Variants in LDLRAD3 observed in about 807,000 individuals in gnomAD.
The protein encoded by LDLRAD3 is low density lipoprotein receptor class A domain containing 3, also known as low-density lipoprotein receptor class A domain-containing protein 3.
LDLRAD3 carries 20 observed loss-of-function variants against 29.4 expected under a neutral mutation model. The observed-to-expected ratio is 0.68, with a 90% confidence interval of 0.48 to 0.99. LDLRAD3 has a LOEUF of 0.99. Ranked by LOEUF, LDLRAD3 falls within the 50% of genes least tolerant of loss-of-function variation. The pLI is 0.00. For synonymous variants in LDLRAD3, 157 were observed against 192.7 expected (o/e 0.81, Z 1.53); for missense variants, 420 against 454.3 (o/e 0.92, Z 0.69).
chr11:36,196,909 C>T (rs948533552), intron 4 of LDLRAD3: 1 of 152,180 alleles, frequency 6.6e-6, no homozygotes, highest in African/African-American at 2.4e-5. Context: ...GGACCTGGCT[C>T]TCTTACTGTG....
rs77504876 is a variant in LDLRAD3 at position 36,073,453 on chromosome 11, G to A, written c.194-8200G>A. Among the ~76,000 whole-genome samples the A allele has an allele frequency of 4.5e-3, 684 of 152,348 alleles. 5 individuals carry two copies. Among genetic ancestry groups the A allele is most frequent in the African/African-American group, 0.016 (653 of 41,582 alleles). On this transcript the variant is annotated intron_variant, in intron 2 of 5. Transcript: ENST00000315571. ...TCTGTCGGGCGCTGCTGAGTTCTAC[G>A]AGGAAATCTCCCCTTTGTGGAAATA...
intron 2 of LDLRAD3, among the ~76,000 whole-genome samples, chr11:36,064,959 T>A (rs948643042): frequency 6.6e-6 from 1 of 152,212 alleles, no homozygotes; most frequent in African/African-American, 2.4e-5. Flanking sequence ...TCCTGGAGAA[T>A]GTTTCATGTA....
chr11:36,029,568 T>C (rs1243299768), intron 1 of LDLRAD3, among the ~76,000 whole-genome samples: 1 of 152,116 alleles, frequency 6.6e-6, no homozygotes, highest in Non-Finnish European at 1.5e-5. Context: ...ATTTTCCTCA[T>C]GAAATGCACT....
At chr11:36,100,809 G>C (rs533348961) in intron 4 of LDLRAD3, among the ~76,000 whole-genome samples, 1 of 152,290 alleles carries the variant, frequency 6.6e-6, no homozygotes, top group African/African-American at 2.4e-5. Flanking sequence ...TCAGTGAAAA[G>C]ACTCCCACGT....
At chr11:36,042,997 A>T (rs896498049) in intron 2 of LDLRAD3, among the ~76,000 whole-genome samples, 1 of 139,476 alleles carries the variant, frequency 7.2e-6, no homozygotes, top group African/African-American at 2.4e-5. Context: ...CCATCAAACT[A>T]TCTCCTTTGT....
chr11:36,130,653 G>C (rs1853912791), intron 4 of LDLRAD3, among the ~76,000 whole-genome samples: 1 of 152,172 alleles, frequency 6.6e-6, no homozygotes, highest in South Asian at 2.1e-4. Flanking sequence ...CTGAGCGCCT[G>C]CTTTGTGCGA....
intron 4 of LDLRAD3, among the ~76,000 whole-genome samples, chr11:36,185,510 A>G (rs1216573507): frequency 6.6e-6 from 1 of 152,242 alleles, no homozygotes; most frequent in Non-Finnish European, 1.5e-5. Flanking sequence ...GCAGTGGCAC[A>G]AGATGGCTTG....
At chr11:35,986,343 A>G (rs1465028755) in intron 1 of LDLRAD3, among the ~76,000 whole-genome samples, 3 of 152,238 alleles carry the variant, frequency 2.0e-5, no homozygotes, top group Non-Finnish European at 4.4e-5. Flanking sequence ...CAGAACTTGT[A>G]CAATATATGG....
At chr11:36,145,732 G>A (rs1854181333) in intron 4 of LDLRAD3, among the ~76,000 whole-genome samples, 1 of 151,122 alleles carries the variant, frequency 6.6e-6, no homozygotes, top group African/African-American at 2.4e-5. Context: ...TCTGAAACAT[G>A]TGCTGTGTCC....
At chr11:36,160,953 C>T (rs1404325632) in intron 4 of LDLRAD3, among the ~76,000 whole-genome samples, 6 of 152,152 alleles carry the variant, frequency 3.9e-5, no homozygotes, top group Non-Finnish European at 7.3e-5. Context: ...TGCAACCACA[C>T]CCAGCTAATT....
At position 36,220,465 on chromosome 11, in the gene LDLRAD3, A is replaced by G. The variant is rs550648763; in HGVS notation, c.455-6620A>G. ...TTGTGATACATCCATGCAACTGAAT[A>G]CTACTCAGGGACAAAAAGGAATGAA... On this transcript the variant is annotated intron_variant, in intron 4 of 5. Coordinates refer to ENST00000315571, the MANE Select transcript of LDLRAD3 (RefSeq NM_174902.4). 2.0e-5 allele frequency among the ~76,000 whole-genome samples: 3 copies of G among 152,368 alleles called. No individual in the cohort carries two copies. In the South Asian group the frequency reaches 6.2e-4, roughly 32 times the overall value.
chr11:35,975,677 C>T (rs1366666027), intron 1 of LDLRAD3, among the ~76,000 whole-genome samples: 3 of 152,092 alleles, frequency 2.0e-5, no homozygotes, highest in African/African-American at 7.2e-5. Context: ...ACAGTATAGG[C>T]ACTGGAGTGC....
intron 4 of LDLRAD3, among the ~76,000 whole-genome samples, chr11:36,187,519 T>G (rs1399468393): frequency 1.3e-5 from 2 of 152,310 alleles, no homozygotes; most frequent in East Asian, 3.9e-4. Flanking sequence ...ATATATCCAC[T>G]GTTTGGATAT....
intron 2 of LDLRAD3, among the ~76,000 whole-genome samples, chr11:36,072,120 G>C (rs1313911486): frequency 6.6e-6 from 1 of 152,196 alleles, no homozygotes; most frequent in African/African-American, 2.4e-5. Context: ...CAGGATCCTG[G>C]GGCAGGAGTG....
chr11:36,024,341 C>CATATCT (rs35376090), intron 1 of LDLRAD3, among the ~76,000 whole-genome samples: 120,269 of 151,194 alleles, frequency 0.8, 49,982 homozygotes, highest in Non-Finnish European at 0.92. Flanking sequence ...TAGCTATATC[C>CATATCT]ATATCTATAT....
chr11:36,161,186 CAG>C (rs1423163805), intron 4 of LDLRAD3, among the ~76,000 whole-genome samples: 1 of 152,166 alleles, frequency 6.6e-6, no homozygotes, highest in Non-Finnish European at 1.5e-5. Context: ...TTTCCTGTAG[CAG>C]AGAGGGGAAG....
intron 4 of LDLRAD3, among the ~76,000 whole-genome samples, chr11:36,170,845 A>G (rs967936284): frequency 9.0e-5 from 13 of 144,576 alleles, no homozygotes; most frequent in Non-Finnish European, 2.0e-4. Flanking sequence ...CTCTGTTGCC[A>G]GGTTGGAGTG....
chr11:35,948,114 G>C (rs973321962), intron 1 of LDLRAD3, among the ~76,000 whole-genome samples: 2 of 152,084 alleles, frequency 1.3e-5, no homozygotes, highest in Non-Finnish European at 2.9e-5. Context: ...GACCCGAATT[G>C]TAGTTACATG....
At chr11:35,961,117 G>A (rs184716322) in intron 1 of LDLRAD3, among the ~76,000 whole-genome samples, 10 of 152,356 alleles carry the variant, frequency 6.6e-5, no homozygotes, top group Admixed American at 4.6e-4. Flanking sequence ...CATTCTGCTG[G>A]AGATCAGAAT....
Sources: allele counts gnomAD v4.1 joint callset (sites outside exome capture counted in the v4.1 genomes callset), GRCh38; gene constraint gnomAD v4.1.1; transcripts MANE v1.5; gene names NCBI Gene and HGNC (gene_info 2026-07-23, HGNC 2026-07-21).